The following SYT14 variants were observed in gnomAD, a reference collection of about 807,000 sequenced individuals.
SYT14 encodes the protein synaptotagmin-14.
Under a neutral mutation model 74.2 loss-of-function variants are expected in SYT14, and 32 were observed. That is an observed-to-expected ratio of 0.43 (90% CI 0.33 to 0.58). SYT14 has a LOEUF of 0.58. Among genes scored for constraint, SYT14 ranks in the 20% least tolerant of loss-of-function variants. The pLI is 0.05. For synonymous variants in SYT14, 298 were observed against 337.7 expected (o/e 0.88, Z 1.29); for missense variants, 791 against 981.8 (o/e 0.81, Z 2.60).
intron 2 of SYT14, among the ~76,000 whole-genome samples, chr1:209,989,379 G>A (rs2079625899): frequency 6.6e-6 from 1 of 152,076 alleles, no homozygotes; most frequent in Admixed American, 6.6e-5. Context: ...TTATTTAGAA[G>A]AATTGGAAAT....
intron 5 of SYT14, among the ~76,000 whole-genome samples, chr1:210,078,943 C>T (rs1247181985): frequency 1.3e-5 from 2 of 151,302 alleles, no homozygotes; most frequent in Non-Finnish European, 2.9e-5. Flanking sequence ...TTTGTAGAAA[C>T]GAGTTTTCAC....
chr1:210,083,964 T>G (rs2081667517), intron 5 of SYT14, among the ~76,000 whole-genome samples: 1 of 152,188 alleles, frequency 6.6e-6, no homozygotes. Context: ...CTTGGCCTCC[T>G]AAAATGTTGG....
At chr1:209,942,308 A>T (rs2078746060) in intron 1 of SYT14, among the ~76,000 whole-genome samples, 1 of 150,326 alleles carries the variant, frequency 6.7e-6, no homozygotes, top group Admixed American at 6.6e-5. Context: ...GGATATTCAG[A>T]ATGTCCCAAA....
At position 209,983,630 on chromosome 1, in the gene SYT14, C is replaced by T. The variant is rs192486874; in HGVS notation, c.-485-30003C>T. On this transcript the variant is annotated intron_variant, in intron 2 of 9. Transcript: ENST00000637265. ...TTGTGTGTGTGTGTGTTTTTTCTGT[C>T]CCTGGTTTATTTTAGCTTATTAATC... 7.9e-4 allele frequency among the ~76,000 whole-genome samples: 120 copies of T among 152,070 alleles called. No individual in the cohort carries two copies. The Middle Eastern group carries it at 0.014, about 17-fold the overall frequency.
At chr1:210,022,054 C>G (rs1271441336) in intron 5 of SYT14, among the ~76,000 whole-genome samples, 2 of 152,108 alleles carry the variant, frequency 1.3e-5, no homozygotes, top group Non-Finnish European at 1.5e-5. Context: ...TGATTATTAT[C>G]TTTATACCCA....
intron 7 of SYT14, among the ~76,000 whole-genome samples, chr1:210,148,497 A>G (rs1345660355): frequency 7.4e-6 from 1 of 135,666 alleles, no homozygotes; most frequent in African/African-American, 2.9e-5. Flanking sequence ...CGACAGAGCA[A>G]AACTCCGTCT....
chr1:209,995,538 G>A (rs1027397316), intron 2 of SYT14, among the ~76,000 whole-genome samples: 2 of 152,090 alleles, frequency 1.3e-5, no homozygotes, highest in African/African-American at 2.4e-5. Context: ...TAATAATAGG[G>A]TGAGACTTCA....
At chr1:209,956,749 A>G (rs2078999398) in intron 2 of SYT14, among the ~76,000 whole-genome samples, 1 of 152,144 alleles carries the variant, frequency 6.6e-6, no homozygotes, top group African/African-American at 2.4e-5. Context: ...GACCATCTGG[A>G]TAAATTTCTT....
At chr1:210,008,376 T>TG in intron 2 of SYT14, among the ~76,000 whole-genome samples, 1 of 152,250 alleles carries the variant, frequency 6.6e-6, no homozygotes, top group South Asian at 2.1e-4. Context: ...ATTTTTTTTT[T>TG]TCTTTTTGAG....
At chr1:209,971,654 T>C (rs2079259079) in intron 2 of SYT14, among the ~76,000 whole-genome samples, 1 of 152,210 alleles carries the variant, frequency 6.6e-6, no homozygotes, top group South Asian at 2.1e-4. Flanking sequence ...ATGCAGTTTT[T>C]GTTCTTAACT....
chr1:210,168,134 T>C (rs2083475662), exon 10 of SYT14: 1 of 153,220 alleles, frequency 6.5e-6, no homozygotes, highest in African/African-American at 2.4e-5. Context: ...TAAAATTATG[T>C]TGTGTGGGCT....
chr1:210,083,546 G>A (rs899669556), intron 5 of SYT14, among the ~76,000 whole-genome samples: 4 of 151,920 alleles, frequency 2.6e-5, no homozygotes, highest in Non-Finnish European at 5.9e-5. Context: ...AGTTACAGGT[G>A]TGTGCCACAA....
chr1:210,063,142 C>G (rs978706935), intron 5 of SYT14, among the ~76,000 whole-genome samples: 43 of 150,450 alleles, frequency 2.9e-4, no homozygotes, highest in African/African-American at 1.0e-3. Flanking sequence ...AAGACCTTTC[C>G]TGTTTTGAGA....
exon 4 of SYT14, chr1:210,016,903 A>G: frequency 2.4e-6 from 3 of 1,231,790 alleles, no homozygotes; most frequent in Non-Finnish European, 3.0e-6. Context: ...AATCTATTAT[A>G]AAAGAAGACA....
At chr1:209,989,639 G>A (rs2079630071) in intron 2 of SYT14, among the ~76,000 whole-genome samples, 1 of 152,096 alleles carries the variant, frequency 6.6e-6, no homozygotes, top group Admixed American at 6.5e-5. Context: ...AAAGTTAACA[G>A]TGATAAAAGA....
At chr1:209,974,096 A>G (rs1300649538) in intron 2 of SYT14, among the ~76,000 whole-genome samples, 14 of 151,874 alleles carry the variant, frequency 9.2e-5, no homozygotes, top group Admixed American at 9.2e-4. Flanking sequence ...AGTTCATTGT[A>G]GAATCTGGAT....
chr1:209,981,448 TTC>T (rs1312677930), intron 2 of SYT14, among the ~76,000 whole-genome samples: 2 of 100,548 alleles, frequency 2.0e-5, no homozygotes, highest in Non-Finnish European at 4.2e-5. Flanking sequence ...TCTTTTTCTT[TTC>T]TTTTTTTTTT....
At chr1:209,943,508 CAAAAAAAAAAAAAAAAAAA>C (rs58806792) in intron 1 of SYT14, among the ~76,000 whole-genome samples, 2 of 59,308 alleles carry the variant, frequency 3.4e-5, no homozygotes, top group African/African-American at 6.7e-5. Context: ...GATTCAATCT[CAAAAAAAAAAAAAAAAAAA>C]AAAAAAAAAA....
chr1:210,052,450 G>T (rs1362326827), intron 5 of SYT14, among the ~76,000 whole-genome samples: 1 of 151,986 alleles, frequency 6.6e-6, no homozygotes, highest in Non-Finnish European at 1.5e-5. Flanking sequence ...ATCATCTGAG[G>T]TCAGGAGTTT....
Sources: gnomAD v4.1 joint callset for allele counts (sites outside exome capture counted in the v4.1 genomes callset) on GRCh38, gnomAD v4.1.1 for gene constraint, MANE v1.5 for transcripts, NCBI Gene and HGNC (gene_info 2026-07-23, HGNC 2026-07-21) for gene names.